LRRIQ1: variants seen among roughly 807,000 people sequenced by gnomAD.
LRRIQ1 encodes the protein leucine rich repeats and IQ motif containing 1, also known as leucine-rich repeat- and IQ domain-containing protein 1.
A neutral mutation model predicts 211.9 loss-of-function variants in LRRIQ1; 210 were observed. That is an observed-to-expected ratio of 0.99 (90% CI 0.89 to 1.11). The LOEUF (loss-of-function observed/expected upper bound fraction) is 1.11. Among genes scored for constraint, LRRIQ1 ranks in the 50% most tolerant of loss-of-function variants. The pLI is 0.00. For missense variants in LRRIQ1, 2,136 were observed against 1,939.5 expected (o/e 1.10, Z -1.90); for synonymous variants, 699 against 650.1 (o/e 1.08, Z -1.14).
intron 10 of LRRIQ1, among the ~76,000 whole-genome samples, chr12:85,072,389 G>A (rs1277967884): frequency 6.6e-6 from 1 of 151,802 alleles, no homozygotes; most frequent in Non-Finnish European, 1.5e-5. Context: ...AAGGAGGCAG[G>A]GTTTTTTATT....
intron 8 of LRRIQ1, among the ~76,000 whole-genome samples, chr12:85,057,550 A>T (rs1048359063): frequency 1.3e-5 from 2 of 152,144 alleles, no homozygotes; most frequent in African/African-American, 2.4e-5. Context: ...TTGAGCCACC[A>T]CACCACCTAG....
chr12:85,045,544 C>T (rs181757380), intron 4 of LRRIQ1, among the ~76,000 whole-genome samples: 3 of 151,700 alleles, frequency 2.0e-5, no homozygotes, highest in Admixed American at 2.0e-4. Context: ...ATCTTTCCAA[C>T]TAAAGTATGG....
At chr12:85,217,734 A>G (rs1257756202) in intron 24 of LRRIQ1, among the ~76,000 whole-genome samples, 1 of 144,038 alleles carries the variant, frequency 6.9e-6, no homozygotes, top group Non-Finnish European at 1.5e-5. Context: ...ATATGTGTAT[A>G]TATATGTAAT....
chr12:85,182,251 T>C (rs1360993361), intron 24 of LRRIQ1, among the ~76,000 whole-genome samples: 2 of 152,020 alleles, frequency 1.3e-5, no homozygotes, highest in Non-Finnish European at 1.5e-5. Flanking sequence ...ATCTCTGAGT[T>C]TGAAATAGTT....
intron 17 of LRRIQ1, among the ~76,000 whole-genome samples, chr12:85,125,952 AT>A (rs1018902629): frequency 1.6e-4 from 25 of 152,218 alleles, no homozygotes; most frequent in African/African-American, 5.1e-4. Flanking sequence ...GAATCTTAAC[AT>A]TCAGTGATTC....
At chr12:85,198,310 C>T (rs991351018) in intron 24 of LRRIQ1, among the ~76,000 whole-genome samples, 3 of 149,462 alleles carry the variant, frequency 2.0e-5, no homozygotes, top group African/African-American at 7.4e-5. Context: ...TTTATATTTC[C>T]TTGGGTGTAT....
chr12:85,046,794 C>T (rs1014490175), intron 5 of LRRIQ1, among the ~76,000 whole-genome samples: 2 of 152,060 alleles, frequency 1.3e-5, no homozygotes, highest in Admixed American at 6.5e-5. Flanking sequence ...AAATGTGGCA[C>T]ATATACACCA....
chr12:85,220,572 G>T (rs1445754267), intron 24 of LRRIQ1, among the ~76,000 whole-genome samples: 1 of 151,194 alleles, frequency 6.6e-6, no homozygotes, highest in Non-Finnish European at 1.5e-5. Context: ...ATTTTATAAA[G>T]TAATTTTATA....
intron 7 of LRRIQ1, among the ~76,000 whole-genome samples, chr12:85,052,706 G>A (rs1395895898): frequency 6.6e-6 from 1 of 151,908 alleles, no homozygotes; most frequent in Non-Finnish European, 1.5e-5. Context: ...CCATAATCCT[G>A]TTATTTAGCT....
intron 24 of LRRIQ1, among the ~76,000 whole-genome samples, chr12:85,177,147 G>A (rs1891748178): frequency 6.6e-6 from 1 of 152,100 alleles, no homozygotes; most frequent in Admixed American, 6.6e-5. Context: ...ACAAGAATGA[G>A]CTCACCTTTA....
intron 3 of LRRIQ1, among the ~76,000 whole-genome samples, chr12:85,041,430 A>C (rs1482651550): frequency 6.6e-6 from 1 of 151,588 alleles, no homozygotes; most frequent in Non-Finnish European, 1.5e-5. Context: ...AAGGAGATAG[A>C]GACTGGAGTT....
At chr12:85,155,983 C>G (rs2136692675) in intron 23 of LRRIQ1, among the ~76,000 whole-genome samples, 1 of 151,742 alleles carries the variant, frequency 6.6e-6, no homozygotes, top group South Asian at 2.1e-4. Context: ...TTATCAGTCA[C>G]AAGGGGGCAT....
downstream of LRRIQ1, among the ~76,000 whole-genome samples, chr12:85,265,619 A>G (rs1474977827): frequency 1.3e-5 from 2 of 152,030 alleles, no homozygotes; most frequent in Non-Finnish European, 2.9e-5. Flanking sequence ...ATTAGCCACT[A>G]GACAATTGTG....
At chr12:85,214,414 A>G (rs1255488407) in intron 24 of LRRIQ1, among the ~76,000 whole-genome samples, 3 of 152,158 alleles carry the variant, frequency 2.0e-5, no homozygotes, top group Non-Finnish European at 2.9e-5. Context: ...ACAAAGATAA[A>G]GTGGAAGAAT....
chr12:85,121,741 G>A lies in LRRIQ1; in HGVS notation c.3422G>A (p.Gly1141Asp), dbSNP rs61738629. The change falls in exon 16 of 27, where the codon GGC (glycine) becomes GAC (aspartate). Residue 1141 changes from glycine to aspartate, a missense_variant. Physicochemically the swap from Gly to Asp is moderately conservative, Grantham distance 94 (BLOSUM62 -1). Coordinates refer to ENST00000393217, the MANE Select transcript of LRRIQ1 (RefSeq NM_001079910.2). Reference sequence around the variant, plus strand: ...TTGCCTGCTCTGAGAATCCTCAATGGCAATATACTAAACTCTAATTCAGAA... The same window carrying A: ...TTGCCTGCTCTGAGAATCCTCAATGACAATATACTAAACTCTAATTCAGAA... Reference protein sequence around the residue: ...KVLPALRILNGNILNSNSESR... With the variant: ...KVLPALRILNDNILNSNSESR... 0.029 allele frequency: 46,798 copies of A among 1,602,974 alleles called. 814 individuals are homozygous for A. Among genetic ancestry groups the A allele is most frequent in the Non-Finnish European group, 0.033 (39,164 of 1,174,774 alleles).
downstream of LRRIQ1, among the ~76,000 whole-genome samples, chr12:85,267,476 T>C (rs186080497): frequency 9.4e-4 from 143 of 152,176 alleles, no homozygotes; most frequent in African/African-American, 3.2e-3. Flanking sequence ...TAAATGTTAA[T>C]ACATGTTACA....
At chr12:85,037,529 T>C (rs1878292517) in intron 1 of LRRIQ1, among the ~76,000 whole-genome samples, 1 of 152,036 alleles carries the variant, frequency 6.6e-6, no homozygotes, top group Non-Finnish European at 1.5e-5. Context: ...TATTTTATTT[T>C]TTATTTTTGA....
At chr12:85,217,202 T>G (rs906361361) in intron 24 of LRRIQ1, among the ~76,000 whole-genome samples, 1 of 151,556 alleles carries the variant, frequency 6.6e-6, no homozygotes, top group African/African-American at 2.4e-5. Context: ...AATGGGAATT[T>G]CATTATGAAC....
At chr12:85,120,887 A>T (rs973592911) in intron 15 of LRRIQ1, among the ~76,000 whole-genome samples, 1 of 152,038 alleles carries the variant, frequency 6.6e-6, no homozygotes, top group African/African-American at 2.4e-5. Flanking sequence ...CTTGATGGAA[A>T]GCTCTTGCTG....
Sources: gnomAD v4.1 joint callset for allele counts (sites outside exome capture counted in the v4.1 genomes callset) on GRCh38, gnomAD v4.1.1 for gene constraint, MANE v1.5 for transcripts, NCBI Gene and HGNC (gene_info 2026-07-23, HGNC 2026-07-21) for gene names.